The following SPATA6L variants were observed in gnomAD, a reference collection of about 807,000 sequenced individuals.
The protein encoded by SPATA6L is spermatogenesis associated 6 like, also known as spermatogenesis associated 6-like protein.
Under a neutral mutation model 49.2 loss-of-function variants are expected in SPATA6L, and 68 were observed. The ratio of observed to expected loss-of-function variants is 1.38; its 90% CI spans 1.14 to 1.69. SPATA6L has a LOEUF of 1.69. Ranked by LOEUF, SPATA6L falls within the 40% of genes most tolerant of loss-of-function variation. SPATA6L has a pLI of 0.00. For missense variants in SPATA6L, 668 were observed against 464.3 expected (o/e 1.44, Z -4.03); for synonymous variants, 198 against 165.7 (o/e 1.19, Z -1.50).
At chr9:4,626,654 A>C (rs1830407885) in intron 5 of SPATA6L, 1 of 1,033,768 alleles carries the variant, frequency 9.7e-7, no homozygotes, top group African/African-American at 1.7e-5. Flanking sequence ...CATTTTTAAA[A>C]ATTAAATCTT....
In SPATA6L at chr9:4,623,248, C is replaced by A. The variant is rs527698922; in HGVS notation, c.670-738G>T. On this transcript the variant is annotated intron_variant, in intron 6 of 11. Transcript: ENST00000682582. ...TGAGCTGAGATCATGCCATTGTACT[C>A]CAGCCTGGGCAACAAGAGTGAAACT... Among the ~76,000 whole-genome samples, 211 of 152,088 alleles carry A rather than the reference C, an allele frequency of 1.4e-3. 1 individual carries two copies. The highest frequency in any genetic ancestry group is 2.0e-3 in the Non-Finnish European group (134 of 67,982).
intron 3 of SPATA6L, among the ~76,000 whole-genome samples, chr9:4,653,123 G>C (rs1055212597): frequency 4.6e-5 from 7 of 152,170 alleles, no homozygotes; most frequent in Non-Finnish European, 1.0e-4. Context: ...TTATTACAAA[G>C]CTACGGTAAC....
chr9:4,612,123 C>T (rs997285485), intron 9 of SPATA6L, among the ~76,000 whole-genome samples: 12 of 151,982 alleles, frequency 7.9e-5, no homozygotes, highest in Non-Finnish European at 2.9e-5. Flanking sequence ...TACAGGTATG[C>T]ACCACCATGC....
Position 4,661,893 on chromosome 9 carries a change from G to C in SPATA6L, c.177+6C>G, listed in dbSNP as rs761300378. ...CAACAAAAGCCAATGAGAAAGTCAAGATCACCTTTTCAAATCTCATGCTCT... is the reference window on the plus strand; with the variant it reads ...CAACAAAAGCCAATGAGAAAGTCAACATCACCTTTTCAAATCTCATGCTCT... On this transcript the variant is annotated splice_donor_region_variant and intron_variant, in intron 2 of 11. Transcript: ENST00000682582. 2 of 1,613,274 alleles carry C rather than the reference G, an allele frequency of 1.2e-6. No individual in the cohort carries two copies. Among genetic ancestry groups the C allele is most frequent in the Non-Finnish European group, 1.7e-6 (2 of 1,179,490 alleles).
Position 4,622,491 on chromosome 9 carries a change from A to C in SPATA6L, c.689T>G (p.Phe230Cys). ...ATGATGCTCTGAAATATTCTCACCAAAGGGCTTTGCACTGTCCACCTGAAA... is the reference window on the plus strand; with the variant it reads ...ATGATGCTCTGAAATATTCTCACCACAGGGCTTTGCACTGTCCACCTGAAA... ...VVRHVDSAKP[F>C]GENISEHHLR... The change falls in exon 7 of 12, where the codon TTT becomes TGT. Residue 230 changes from phenylalanine to cysteine, a missense_variant. Transcript: ENST00000682582. The C allele has an allele frequency of 6.2e-7, 1 of 1,613,022 alleles. No homozygotes were observed. Among genetic ancestry groups the C allele is most frequent in the Non-Finnish European group, 8.5e-7 (1 of 1,179,526 alleles).
chr9:4,607,309 C>T (rs1825524604), intron 9 of SPATA6L, among the ~76,000 whole-genome samples: 1 of 152,002 alleles, frequency 6.6e-6, no homozygotes, highest in African/African-American at 2.4e-5. Flanking sequence ...CAAAGATACT[C>T]CTCGAGAAGA....
chr9:4,622,303 T>C (rs10758637), intron 7 of SPATA6L, 105 bp downstream of exon 7: 108,722 of 717,970 alleles, frequency 0.15, 13,984 homozygotes, highest in African/African-American at 0.49. Context: ...AGAATTAGGC[T>C]CACAGTTCTG....
In SPATA6L at chr9:4,591,771, G is replaced by A. The variant is rs185052890; in HGVS notation, c.*255-2810C>T. On this transcript the variant is annotated intron_variant and NMD_transcript_variant, in intron 13 of 13. Transcript: ENST00000461761. ...AAAAATTAGACATGCAAATAAGGCCGACTCAGCCTGCAAGGATATTTAGTC... is the reference window on the plus strand; with the variant it reads ...AAAAATTAGACATGCAAATAAGGCCAACTCAGCCTGCAAGGATATTTAGTC... Among the ~76,000 whole-genome samples, 97 of 152,242 alleles carry A rather than the reference G, an allele frequency of 6.4e-4. No individual in the cohort carries two copies. In the East Asian group the frequency reaches 0.018, roughly 28 times the overall value.
chr9:4,597,507 C>G (rs1822379142), downstream of SPATA6L, among the ~76,000 whole-genome samples: 1 of 152,154 alleles, frequency 6.6e-6, no homozygotes, highest in South Asian at 2.1e-4. Context: ...GAAAAGGACC[C>G]ATCTGCACCA....
chr9:4,658,454 G>A (rs573133916), intron 2 of SPATA6L, among the ~76,000 whole-genome samples: 1 of 152,276 alleles, frequency 6.6e-6, no homozygotes, highest in Admixed American at 6.5e-5. Context: ...AGGAAGAAAG[G>A]AATATGAACC....
At chr9:4,594,796 C>T (rs935118865), downstream of SPATA6L, among the ~76,000 whole-genome samples, 67 of 152,100 alleles carry the variant, frequency 4.4e-4, no homozygotes, top group African/African-American at 1.5e-3. Context: ...CTTGAATAAA[C>T]AACTTGTATT....
At chr9:4,653,165 T>C (rs775545066) in intron 3 of SPATA6L, among the ~76,000 whole-genome samples, 5 of 152,174 alleles carry the variant, frequency 3.3e-5, no homozygotes, top group Admixed American at 6.5e-5. Context: ...AATAGACATA[T>C]GAATCAATAG....
chr9:4,616,212 G>A (rs1437579700), intron 9 of SPATA6L, among the ~76,000 whole-genome samples: 2 of 152,128 alleles, frequency 1.3e-5, no homozygotes, highest in Non-Finnish European at 2.9e-5. Flanking sequence ...GGGAGGTCAA[G>A]GCTGCAGTAA....
At chr9:4,657,134 C>A (rs1838462434) in intron 2 of SPATA6L, among the ~76,000 whole-genome samples, 1 of 151,878 alleles carries the variant, frequency 6.6e-6, no homozygotes, top group South Asian at 2.1e-4. Flanking sequence ...AGCTCTAGGC[C>A]CTAAGAAAAA....
Position 4,598,684 on chromosome 9 carries a change from A to G in SPATA6L, c.*2127T>C, listed in dbSNP as rs1353636621. Reference sequence around the variant, plus strand: ...ATATTTTAACAATAACTGAAATGGGATACCAATTCATTAGTGCTGCTTTCC... The same window carrying G: ...ATATTTTAACAATAACTGAAATGGGGTACCAATTCATTAGTGCTGCTTTCC... On this transcript the variant is annotated 3_prime_UTR_variant, in exon 12 of 12. Coordinates refer to ENST00000682582, the MANE Select transcript of SPATA6L (RefSeq NM_001353486.2). Among the ~76,000 whole-genome samples the G allele has an allele frequency of 1.3e-5, 2 of 152,224 alleles. No homozygotes were observed. Among genetic ancestry groups the G allele is most frequent in the Admixed American group, 1.3e-4 (2 of 15,276 alleles).
At chr9:4,646,473 T>C in intron 3 of SPATA6L, 1 of 1,506,780 alleles carries the variant, frequency 6.6e-7, no homozygotes, top group Non-Finnish European at 8.9e-7. Flanking sequence ...GAAACGGATT[T>C]ACTGCCACAT....
Position 4,616,039 on chromosome 9 carries a change from G to A in SPATA6L, c.995+1884C>T, listed in dbSNP as rs201210721. On this transcript the variant is annotated intron_variant, in intron 9 of 11. Coordinates refer to ENST00000682582, the MANE Select transcript of SPATA6L (RefSeq NM_001353486.2). ...CATGCCTGTACCCAGCACTTTGGGA[G>A]GCCAAGACAATTGCTTGAGCCCAGG... 3.3e-5 allele frequency among the ~76,000 whole-genome samples: 5 copies of A among 152,252 alleles called. No individual in the cohort carries two copies. The East Asian group carries it at 9.7e-4, about 29-fold the overall frequency.
At chr9:4,592,220 C>G (rs1821949215) in intron 13 of SPATA6L, among the ~76,000 whole-genome samples, 1 of 149,706 alleles carries the variant, frequency 6.7e-6, no homozygotes, top group Non-Finnish European at 1.5e-5. Context: ...GAGGCTGAGG[C>G]AGGAGAATGG....
intron 3 of SPATA6L, among the ~76,000 whole-genome samples, chr9:4,639,087 A>C (rs770140421): frequency 3.3e-5 from 5 of 152,172 alleles, no homozygotes; most frequent in Non-Finnish European, 7.3e-5. Flanking sequence ...CCTGCCCTTT[A>C]AGACTACTGT....
Sources: allele counts gnomAD v4.1 joint callset (sites outside exome capture counted in the v4.1 genomes callset), GRCh38; gene constraint gnomAD v4.1.1; transcripts MANE v1.5; gene names NCBI Gene and HGNC (gene_info 2026-07-23, HGNC 2026-07-21).